OSBPL9: variants seen among roughly 807,000 people sequenced by gnomAD.
OSBPL9 encodes oxysterol binding protein like 9, also known as oxysterol-binding protein-related protein 9.
OSBPL9 carries 40 observed loss-of-function variants against 106.6 expected under a neutral mutation model. That is an observed-to-expected ratio of 0.38 (90% CI 0.29 to 0.49). The LOEUF (loss-of-function observed/expected upper bound fraction) is 0.49, where lower values mean the gene tolerates loss of function less well. Ranked by LOEUF, OSBPL9 falls within the 20% of genes least tolerant of loss-of-function variation. OSBPL9 has a pLI of 0.97. For missense variants in OSBPL9, 609 were observed against 887.2 expected (o/e 0.69, Z 3.98); for synonymous variants, 269 against 295.4 (o/e 0.91, Z 0.92).
At chr1:51,604,685 G>A (rs1409812705) in intron 2 of OSBPL9, among the ~76,000 whole-genome samples, 3 of 151,936 alleles carry the variant, frequency 2.0e-5, no homozygotes, top group Non-Finnish European at 2.9e-5. Flanking sequence ...ATGGAGTCTC[G>A]CTCTTTCTCC....
At chr1:51,774,194 G>A (rs1022151091) in intron 14 of OSBPL9, among the ~76,000 whole-genome samples, 1 of 152,162 alleles carries the variant, frequency 6.6e-6, no homozygotes, top group African/African-American at 2.4e-5. Context: ...TCTTGGGGGT[G>A]AAGCATGGAT....
At chr1:51,712,109 C>T (rs2148888334) in intron 3 of OSBPL9, among the ~76,000 whole-genome samples, 1 of 152,274 alleles carries the variant, frequency 6.6e-6, no homozygotes, top group Admixed American at 6.5e-5. Flanking sequence ...CCACTGCACT[C>T]CAGCCTGGGC....
At chr1:51,769,193 A>G (rs1371566562) in intron 12 of OSBPL9, among the ~76,000 whole-genome samples, 2 of 9,476 alleles carry the variant, frequency 2.1e-4, no homozygotes, top group East Asian at 0.036. Flanking sequence ...GCTACTGCTG[A>G]TTTTCTAACT....
rs12044849 is a variant in OSBPL9, at chr1:51,677,731, G to C, written c.241+8219G>C. ...ACTCTCGGCTAATTTTTGTATTTTTGGTAGAGACGGGGTTTCACCATATTG... is the reference window on the plus strand; with the variant it reads ...ACTCTCGGCTAATTTTTGTATTTTTCGTAGAGACGGGGTTTCACCATATTG... On this transcript the variant is annotated intron_variant, in intron 3 of 23. Coordinates refer to ENST00000428468, the MANE Select transcript of OSBPL9 (RefSeq NM_024586.6). Among the ~76,000 whole-genome samples, 21 of 151,710 alleles carry C rather than the reference G, an allele frequency of 1.4e-4. No homozygotes were observed. The South Asian group carries it at 4.4e-3, about 32-fold the overall frequency.
chr1:51,689,705 A>C (rs1654567266), intron 3 of OSBPL9, among the ~76,000 whole-genome samples: 1 of 152,228 alleles, frequency 6.6e-6, no homozygotes, highest in Non-Finnish European at 1.5e-5. Context: ...AGCCCCAAAT[A>C]AAATTTTGGT....
chr1:51,756,459 A>T lies in OSBPL9; in HGVS notation c.582+101A>T, dbSNP rs190198471. 5 of 1,097,816 alleles carry T rather than the reference A, an allele frequency of 4.6e-6. No homozygotes were observed. The South Asian group carries it at 6.8e-5, about 15-fold the overall frequency. 68.0% of individuals were successfully genotyped at this position (1,097,816 alleles called of 1,614,324 possible). ...AATTACTACTCATTTTTCAATGCCA[A>T]CTACTCACTGCTTTTTGTTGTTGAC... On this transcript the variant is annotated intron_variant, in intron 9 of 23. Transcript: ENST00000428468.
At chr1:51,546,556 G>T in the OSBPL9 span, among the ~76,000 whole-genome samples, 1 of 151,916 alleles carries the variant, frequency 6.6e-6, no homozygotes, top group African/African-American at 2.4e-5. Flanking sequence ...AATTAGCTAG[G>T]CATGATGAAG....
At chr1:51,519,670 A>G in the OSBPL9 span, among the ~76,000 whole-genome samples, 2 of 152,220 alleles carry the variant, frequency 1.3e-5, no homozygotes, top group African/African-American at 2.4e-5. Flanking sequence ...ATAATGATAG[A>G]AAATAATAAT....
intron 3 of OSBPL9, among the ~76,000 whole-genome samples, chr1:51,673,280 A>G (rs1267095650): frequency 6.6e-6 from 1 of 152,234 alleles, no homozygotes; most frequent in African/African-American, 2.4e-5. Context: ...AGGATTTAAT[A>G]CTGAGAAGTT....
chr1:51,686,927 A>G (rs1653935197), intron 3 of OSBPL9, among the ~76,000 whole-genome samples: 1 of 152,208 alleles, frequency 6.6e-6, no homozygotes, highest in South Asian at 2.1e-4. Flanking sequence ...CTGCTTTCCA[A>G]AGAAGACTGA....
At chr1:51,726,542 G>T (rs1052885060) in intron 4 of OSBPL9, among the ~76,000 whole-genome samples, 8 of 152,012 alleles carry the variant, frequency 5.3e-5, no homozygotes, top group African/African-American at 1.9e-4. Context: ...AGTAGTACAT[G>T]AATTCTGTAT....
chr1:51,649,697 C>T (rs188201660), intron 1 of OSBPL9, among the ~76,000 whole-genome samples: 2 of 149,820 alleles, frequency 1.3e-5, no homozygotes, highest in East Asian at 3.9e-4. Context: ...GAGTCCACAG[C>T]ACTTATTTTT....
chr1:51,584,312 T>G (rs1012191427), intron 1 of OSBPL9, among the ~76,000 whole-genome samples: 1 of 152,182 alleles, frequency 6.6e-6, no homozygotes, highest in African/African-American at 2.4e-5. Context: ...GAGACCTGGA[T>G]TCAACAAAAT....
chr1:51,602,419 A>ATTTTTTTTTT (rs1357173060), intron 2 of OSBPL9, among the ~76,000 whole-genome samples: 3 of 104,660 alleles, frequency 2.9e-5, no homozygotes, highest in African/African-American at 1.2e-4. Flanking sequence ...TTTTTTTTTA[A>ATTTTTTTTTT]TTTTTTTTTT....
At chr1:51,733,999 T>A (rs1255866675) in intron 4 of OSBPL9, among the ~76,000 whole-genome samples, 1 of 152,150 alleles carries the variant, frequency 6.6e-6, no homozygotes, top group African/African-American at 2.4e-5. Context: ...GATTAGGTAA[T>A]GCTTAATTAT....
chr1:51,577,474 C>T (rs1380793963), intron 1 of OSBPL9, among the ~76,000 whole-genome samples: 1 of 151,944 alleles, frequency 6.6e-6, no homozygotes, highest in East Asian at 1.9e-4. Context: ...AGGGTTTCAT[C>T]GTGTTAGCCA....
chr1:51,663,174 C>G (rs1234549556), intron 2 of OSBPL9, among the ~76,000 whole-genome samples: 1 of 151,948 alleles, frequency 6.6e-6, no homozygotes, highest in Non-Finnish European at 1.5e-5. Context: ...TGAGTGAGAC[C>G]TCTACTCAGG....
At chr1:51,728,565 C>G (rs1228422529) in intron 4 of OSBPL9, among the ~76,000 whole-genome samples, 3 of 152,094 alleles carry the variant, frequency 2.0e-5, no homozygotes, top group Non-Finnish European at 4.4e-5. Flanking sequence ...GCAGAGTACC[C>G]AGCTTTTAGA....
chr1:51,748,240 C>T, intron 6 of OSBPL9, 129 bp from the exon 7 acceptor site: 1 of 1,079,452 alleles, frequency 9.3e-7, no homozygotes, highest in South Asian at 2.2e-5. Flanking sequence ...GTACTCCCTT[C>T]CCAACTTGCT....
Sources: allele counts gnomAD v4.1 joint callset (sites outside exome capture counted in the v4.1 genomes callset), GRCh38; gene constraint gnomAD v4.1.1; transcripts MANE v1.5; gene names NCBI Gene and HGNC (gene_info 2026-07-23, HGNC 2026-07-21).